The following PCDHA5 variants were observed in gnomAD, a reference collection of about 807,000 sequenced individuals.
PCDHA5 encodes the protein protocadherin alpha-5.
In PCDHA5, 43 loss-of-function variants were observed where a neutral mutation model predicts 61.6. The observed-to-expected ratio is 0.70, with a 90% confidence interval of 0.55 to 0.90. PCDHA5 has a LOEUF of 0.90. Ranked by LOEUF, PCDHA5 falls within the 40% of genes least tolerant of loss-of-function variation. The probability of loss-of-function intolerance (pLI) is 0.00; values close to 1 mark genes in which losing one functional copy is unlikely to be tolerated. For missense variants in PCDHA5, 1,298 were observed against 1,222.7 expected (o/e 1.06, Z -0.92); for synonymous variants, 627 against 543.9 (o/e 1.15, Z -2.13).
chr5:140,958,419 A>C (rs1275772647), intron 1 of PCDHA5, among the ~76,000 whole-genome samples: 1 of 152,196 alleles, frequency 6.6e-6, no homozygotes, highest in Non-Finnish European at 1.5e-5. Flanking sequence ...GCTTGGAAAG[A>C]AGCACTTTTT....
At chr5:140,830,481 C>T in intron 1 of PCDHA5, 1 of 1,505,882 alleles carries the variant, frequency 6.6e-7, no homozygotes, top group Non-Finnish European at 8.9e-7. Context: ...GATCATGATG[C>T]CAAAGTAAGT....
Position 140,843,081 on chromosome 5 carries a change from C to G in PCDHA5, c.2352+18954C>G, listed in dbSNP as rs2150352051. 5.6e-6 allele frequency: 9 copies of G among 1,595,424 alleles called. No homozygotes were observed. The African/African-American group carries it at 8.1e-5, about 14-fold the overall frequency. ...AAGCTGGTGCCGCGGTCTGTGGGCG[C>G]GGGCCACGTGGTAGCGAAGGTGCGC... On this transcript the variant is annotated intron_variant, in intron 1 of 3. Coordinates refer to ENST00000529859, the MANE Select transcript of PCDHA5 (RefSeq NM_018908.3).
intron 1 of PCDHA5, chr5:140,827,874 A>C: frequency 1.6e-6 from 1 of 638,432 alleles, no homozygotes; most frequent in South Asian, 2.0e-5. Flanking sequence ...TAGCACTGTT[A>C]CGTGAATTGA....
Position 140,822,383 on chromosome 5 carries a change from A to G in PCDHA5, c.608A>G (p.Glu203Gly), listed in dbSNP as rs140694784. The G allele has an allele frequency of 6.7e-5, 108 of 1,614,026 alleles. 1 individual carries two copies. The highest frequency in any genetic ancestry group is 3.3e-4 in the Middle Eastern group (2 of 6,084). Reference sequence around the variant, plus strand: ...TTGAGGAAATCCTTAGATAGAGAAGAAACACAAGAACACCGTTTATTAGTG... The same window carrying G: ...TTGAGGAAATCCTTAGATAGAGAAGGAACACAAGAACACCGTTTATTAGTG... ...LVLRKSLDRE[E>G]TQEHRLLVIA... The change falls in exon 1 of 4, where the codon GAA becomes GGA. Residue 203 changes from glutamate (E) to glycine (G), a missense_variant. Coordinates refer to ENST00000529859, the MANE Select transcript of PCDHA5 (RefSeq NM_018908.3).
intron 1 of PCDHA5, among the ~76,000 whole-genome samples, chr5:140,839,243 C>T (rs12659980): frequency 0.58 from 88,501 of 151,692 alleles, 26,916 homozygotes; most frequent in African/African-American, 0.73. Context: ...TATTGCTTTG[C>T]TTTTATGCTT....
intron 1 of PCDHA5, chr5:140,969,096 A>T: frequency 6.2e-7 from 1 of 1,614,162 alleles, no homozygotes; most frequent in Non-Finnish European, 8.5e-7. Flanking sequence ...GTGCAGCCTC[A>T]CTTCATTGAA....
intron 1 of PCDHA5, chr5:140,876,058 C>A (rs781906188): frequency 1.2e-6 from 2 of 1,613,750 alleles, no homozygotes; most frequent in African/African-American, 1.3e-5. Flanking sequence ...TGAATTAGTT[C>A]TTCGGAAGTT....
intron 1 of PCDHA5, among the ~76,000 whole-genome samples, chr5:140,906,402 A>G (rs1378425113): frequency 1.3e-5 from 2 of 152,268 alleles, no homozygotes; most frequent in African/African-American, 4.8e-5. Flanking sequence ...AAATTTTCAT[A>G]TGAAGTCAAT....
At chr5:140,928,475 G>A (rs369473809) in intron 1 of PCDHA5, 1 of 1,614,136 alleles carries the variant, frequency 6.2e-7, no homozygotes, top group African/African-American at 1.3e-5. Context: ...GTAGAAGGCC[G>A]GGATGGTGGC....
chr5:140,823,273 G>T lies in PCDHA5; in HGVS notation c.1498G>T (p.Glu500Ter), dbSNP rs893775587. The T allele has an allele frequency of 7.4e-6, 12 of 1,612,400 alleles. No individual in the cohort carries two copies. The highest frequency in any genetic ancestry group is 1.0e-5 in the Non-Finnish European group (12 of 1,179,766). The change falls in exon 1 of 4, where the codon GAG becomes TAG. Residue 500 changes from glutamate to a stop codon, truncating the protein, a stop_gained. Transcript: ENST00000529859. LOFTEE classifies it high-confidence loss of function. ...CTCGCTGGTGGAGCGGCGGGTGGGC[G>T]AGCGCCCGCTGTCGAGTTACGTTTC... ...SYSLVERRVG[E>*]RPLSSYVSVH...
At chr5:140,905,135 T>G (rs2071619691) in intron 1 of PCDHA5, among the ~76,000 whole-genome samples, 1 of 152,208 alleles carries the variant, frequency 6.6e-6, no homozygotes, top group Admixed American at 6.5e-5. Context: ...GAAGAGTTTT[T>G]CTGCTGTTAT....
chr5:140,857,755 T>G (rs1427129030), intron 1 of PCDHA5: 1 of 1,597,184 alleles, frequency 6.3e-7, no homozygotes, highest in Non-Finnish European at 8.6e-7. Flanking sequence ...CGTCTCCCGC[T>G]GGCAGCGCGG....
intron 1 of PCDHA5, chr5:140,876,798 C>T: frequency 6.2e-7 from 1 of 1,614,180 alleles, no homozygotes; most frequent in Non-Finnish European, 8.5e-7. Context: ...CTAGAGTGTC[C>T]GTGGAGGTGG....
rs2150127523 is a variant in PCDHA5, at chr5:140,823,625, C to A, written c.1850C>A (p.Ala617Glu). ...GAGCTGCAGCCAGCGCCTGGCAGTG[C>A]GCGCATCCCGTTCCGCGTGGGGCTG... ...SYELQPAPGS[A>E]RIPFRVGLYT... The change falls in exon 1 of 4, where the codon GCG becomes GAG. Residue 617 changes from alanine to glutamate, a missense_variant. Transcript: ENST00000529859. 4.3e-6 allele frequency: 7 copies of A among 1,614,038 alleles called. No individual in the cohort carries two copies. The East Asian group carries it at 8.9e-5, about 21-fold the overall frequency.
intron 1 of PCDHA5, chr5:140,871,465 C>T (rs782500075): frequency 5.0e-6 from 8 of 1,602,850 alleles, no homozygotes; most frequent in Non-Finnish European, 6.0e-6. Flanking sequence ...AGGGGAAAGA[C>T]AGGAGCCAGG....
intron 1 of PCDHA5, among the ~76,000 whole-genome samples, chr5:140,901,810 T>C (rs2068911855): frequency 6.6e-6 from 1 of 152,336 alleles, no homozygotes; most frequent in African/African-American, 2.4e-5. Flanking sequence ...ATTTTTACAA[T>C]ATTGATTCTT....
intron 1 of PCDHA5, chr5:140,836,297 T>G (rs2150257087): frequency 1.2e-6 from 2 of 1,613,576 alleles, no homozygotes; most frequent in African/African-American, 1.3e-5. Context: ...GAGCCCTAGA[T>G]GAGACGGACG....
rs112376305 is a variant in PCDHA5, at chr5:140,821,957, G to A, written c.182G>A (p.Arg61His). The stretch of plus-strand genomic sequence containing the variant: ...CTGGAGCTGGCGGAGCTGGTGCCGC[G>A]CCTGTTCCGGGTGGCGTCCAAGGGC... ...LGLELAELVP[R>H]LFRVASKGRG... The change falls in exon 1 of 4, where the codon CGC becomes CAC. Residue 61 changes from arginine (R) to histidine (H), a missense_variant. By Grantham distance (29) the Arg-to-His change is conservative. Coordinates refer to ENST00000529859, the MANE Select transcript of PCDHA5 (RefSeq NM_018908.3). 511 of 1,614,186 alleles carry A rather than the reference G, an allele frequency of 3.2e-4. 2 individuals are homozygous for A. Among genetic ancestry groups the A allele is most frequent in the East Asian group, 1.1e-4 (5 of 44,890 alleles).
At chr5:140,926,590 G>A (rs2083383863) in intron 1 of PCDHA5, 1 of 296,754 alleles carries the variant, frequency 3.4e-6, no homozygotes, top group Non-Finnish European at 6.1e-6. Context: ...CTCGCGCCCG[G>A]GCGGGCGGCC....
Sources: allele counts gnomAD v4.1 joint callset (sites outside exome capture counted in the v4.1 genomes callset), GRCh38; gene constraint gnomAD v4.1.1; transcripts MANE v1.5; gene names NCBI Gene and HGNC (gene_info 2026-07-23, HGNC 2026-07-21).